VGLL2: variants seen among roughly 807,000 people sequenced by gnomAD.
VGLL2 encodes the protein vestigial like family member 2.
VGLL2 carries 18 observed loss-of-function variants against 27.0 expected under a neutral mutation model. That is an observed-to-expected ratio of 0.67 (90% CI 0.46 to 0.99). The LOEUF (loss-of-function observed/expected upper bound fraction) is 0.99, where lower values mean the gene tolerates loss of function less well. Ranked by LOEUF, VGLL2 falls within the 50% of genes least tolerant of loss-of-function variation. VGLL2 has a pLI of 0.00. For missense variants in VGLL2, 491 were observed against 452.3 expected, an observed-to-expected ratio of 1.09 and a Z score of -0.78; for synonymous variants, 220 against 201.1, an observed-to-expected ratio of 1.09 and a Z score of -0.80.
intron 3 of VGLL2, among the ~76,000 whole-genome samples, chr6:117,271,418 G>C (rs1393147476): frequency 6.6e-6 from 1 of 151,734 alleles, no homozygotes; most frequent in Non-Finnish European, 1.5e-5. Flanking sequence ...GGGCTACTGA[G>C]CACTTGGCAC....
Position 117,265,834 on chromosome 6 carries a change from C to T in VGLL2, c.71C>T (p.Pro24Leu). ...PQPYFAAAYT[P>L]YHQKLAYYSK... The stretch of plus-strand genomic sequence containing the variant: ...CCCTACTTCGCAGCCGCCTACACCC[C>T]CTACCACCAGGTACGTGTCTCCTCT... The change falls in exon 1 of 4, where the codon CCC becomes CTC. Residue 24 changes from proline (P) to leucine (L), a missense_variant. Physicochemically the swap from Pro to Leu is moderately conservative, Grantham distance 98 (BLOSUM62 -3). Transcript: ENST00000326274. 1 of 1,614,138 alleles carries T rather than the reference C, an allele frequency of 6.2e-7. No individual in the cohort carries two copies. The highest frequency in any genetic ancestry group is 1.3e-5 in the African/African-American group (1 of 75,064).
chr6:117,268,435 G>T lies in VGLL2; in HGVS notation c.335G>T (p.Ser112Ile), dbSNP rs773528203. Residue 112 changes from serine to isoleucine, a missense_variant, in exon 2 of 4, where the codon AGC becomes ATC. By Grantham distance (142) the Ser-to-Ile change is moderately radical (BLOSUM62 -2). Coordinates refer to ENST00000326274, the MANE Select transcript of VGLL2 (RefSeq NM_182645.3). ...AGCAGGGCCCTGAGCCAACCCAGCA[G>T]CTACTCTCCTAGCTGTACCAGCAGC... ...HFSRALSQPS[S>I]YSPSCTSSKA... is the part of the protein sequence containing the mutation. 5 of 1,613,986 alleles carry T rather than the reference G, an allele frequency of 3.1e-6. No individual in the cohort carries two copies. In the African/African-American group the frequency reaches 6.7e-5, roughly 22 times the overall value.
intron 2 of VGLL2, among the ~76,000 whole-genome samples, chr6:117,269,178 T>C (rs1348335635): frequency 6.6e-6 from 1 of 152,242 alleles, no homozygotes; most frequent in Non-Finnish European, 1.5e-5. Flanking sequence ...TTTTTATTTT[T>C]CTACCTTCCC....
At position 117,270,978 on chromosome 6, in the gene VGLL2, C is replaced by A; in HGVS notation, c.827C>A (p.Ala276Glu). The change falls in exon 3 of 4, where the codon GCG becomes GAG. Residue 276 changes from alanine to glutamate, a missense_variant. Coordinates refer to ENST00000326274, the MANE Select transcript of VGLL2 (RefSeq NM_182645.3). ...GAGCTCTCCGGCAAAGGCGAGCCGG[C>A]GGGCGCCGCGTGGGCCGGGCCCGGG... ...PCELSGKGEP[A>E]GAAWAGPGGP... 1.6e-6 allele frequency: 2 copies of A among 1,230,972 alleles called. No homozygotes were observed. The highest frequency in any genetic ancestry group is 2.0e-6 in the Non-Finnish European group (2 of 990,222). The allele number at this position is 1,230,972 out of a possible 1,614,324, so 76.3% of individuals were successfully genotyped here. A position where few individuals can be genotyped will look rare whatever the true frequency, so the allele number is the denominator to read the frequency against.
chr6:117,269,233 G>C (rs556985616), intron 2 of VGLL2, among the ~76,000 whole-genome samples: 4 of 152,204 alleles, frequency 2.6e-5, no homozygotes, highest in African/African-American at 9.6e-5. Context: ...TTATTTGTTG[G>C]ACAACTCAAC....
chr6:117,268,263 T>C lies in VGLL2; in HGVS notation c.163T>C (p.Phe55Leu). ...CAGCAGTGGCAGCGGCAGCTCCTCA[T>C]TTTCCAGCCAAACCCCAGCCAGTAT... ...PSSSGSGSSS[F>L]SSQTPASIKE... Residue 55 changes from phenylalanine to leucine, a missense_variant, in exon 2 of 4, where the codon TTT becomes CTT. By Grantham distance (22) the Phe-to-Leu change is conservative. Coordinates refer to ENST00000326274, the MANE Select transcript of VGLL2 (RefSeq NM_182645.3). 1 of 1,614,048 alleles carries C rather than the reference T, an allele frequency of 6.2e-7. No homozygotes were observed.
At chr6:117,267,706 C>G (rs73563069) in intron 1 of VGLL2, among the ~76,000 whole-genome samples, 2 of 152,214 alleles carry the variant, frequency 1.3e-5, no homozygotes, top group African/African-American at 4.8e-5. Flanking sequence ...GGTTGCCCCC[C>G]GCTCCTATTT....
chr6:117,273,290 CCCTTCTCTG>C lies in VGLL2; in HGVS notation c.*805_*813del, dbSNP rs1271528737. On this transcript the variant is annotated 3_prime_UTR_variant, in exon 4 of 4. Coordinates refer to ENST00000326274, the MANE Select transcript of VGLL2 (RefSeq NM_182645.3). ...GAACATTTTATGATGAAAGAAGAAA[CCCTTCTCTG>C]CCTTCTCTCCCACGAATTCTGTCCC... is the stretch of plus-strand genomic sequence containing the variant. 1 of 152,130 alleles carries C rather than the reference CCCTTCTCTG, an allele frequency of 6.6e-6. No individual in the cohort carries two copies. 9.4% of individuals were successfully genotyped at this position (152,130 alleles called of 1,614,324 possible).
At position 117,265,652 on chromosome 6, in the gene VGLL2, T is replaced by C. The variant is rs989802311; in HGVS notation, c.-112T>C. The C allele has an allele frequency of 5.7e-6, 5 of 880,504 alleles. No individual in the cohort carries two copies. In the African/African-American group the frequency reaches 6.6e-5, roughly 12 times the overall value. The allele number at this position is 880,504 out of a possible 1,614,324, so 54.5% of individuals were successfully genotyped here. On this transcript the variant is annotated 5_prime_UTR_variant, in exon 1 of 4. Transcript: ENST00000326274. ...GAGCCGCGGAGCGCGCTGGCTTTGC[T>C]CCGCCTGATGACTCCAGAGCGCGGG... is the stretch of plus-strand genomic sequence containing the variant.
At chr6:117,270,435 C>A in intron 2 of VGLL2, 108 bp from the exon 3 acceptor site, 1 of 1,370,840 alleles carries the variant, frequency 7.3e-7, no homozygotes, top group Non-Finnish European at 9.5e-7. Context: ...TGTGCCCGCC[C>A]GGCGCCTTCG....
At position 117,265,588 on chromosome 6, in the gene VGLL2, A is replaced by C. The variant is rs569449224; in HGVS notation, c.-176A>C. On this transcript the variant is annotated 5_prime_UTR_variant, in exon 1 of 4. Coordinates refer to ENST00000326274, the MANE Select transcript of VGLL2 (RefSeq NM_182645.3). ...TGCCCTGGAGCGCGGTCGGGAGTAA[A>C]ATCGCAGGAGTGGGAGGGTAGCGAG... The C allele has an allele frequency of 6.5e-6, 4 of 617,864 alleles. No homozygotes were observed. In the East Asian group the frequency reaches 1.1e-4, roughly 17 times the overall value. The allele number at this position is 617,864 out of a possible 1,614,324, so 38.3% of individuals were successfully genotyped here.
At position 117,270,873 on chromosome 6, in the gene VGLL2, C is replaced by G; in HGVS notation, c.722C>G (p.Pro241Arg). Residue 241 changes from proline (P) to arginine (R), a missense_variant, in exon 3 of 4, where the codon CCG becomes CGG. Physicochemically the swap from Pro to Arg is moderately radical, Grantham distance 103 (BLOSUM62 -2). Coordinates refer to ENST00000326274, the MANE Select transcript of VGLL2 (RefSeq NM_182645.3). ...YAPHFDPRYG[P>R]LLMPAASGRP... The stretch of plus-strand genomic sequence containing the variant: ...CCGCACTTCGACCCGCGCTATGGGC[C>G]GCTGCTGATGCCAGCCGCCTCGGGG... 1 of 1,369,528 alleles carries G rather than the reference C, an allele frequency of 7.3e-7. No homozygotes were observed. The highest frequency in any genetic ancestry group is 9.4e-7 in the Non-Finnish European group (1 of 1,059,136). The allele number at this position is 1,369,528 out of a possible 1,614,324, so 84.8% of individuals were successfully genotyped here.
At chr6:117,268,534 C>G (rs1181305253) in intron 2 of VGLL2, 43 bp downstream of exon 2, 1 of 1,508,128 alleles carries the variant, frequency 6.6e-7, no homozygotes, top group African/African-American at 1.4e-5. Flanking sequence ...AGGGGGTCCT[C>G]TCAGCCTGGG....
chr6:117,267,641 G>A (rs748813739), intron 1 of VGLL2, among the ~76,000 whole-genome samples: 5 of 152,120 alleles, frequency 3.3e-5, no homozygotes, highest in Non-Finnish European at 7.3e-5. Flanking sequence ...TTACATTCCT[G>A]TTGCTTTCCT....
At position 117,273,060 on chromosome 6, in the gene VGLL2, C is replaced by T. The variant is rs1047746356; in HGVS notation, c.*566C>T. 1 of 152,744 alleles carries T rather than the reference C, an allele frequency of 6.5e-6. No homozygotes were observed. The highest frequency in any genetic ancestry group is 6.5e-5 in the Admixed American group (1 of 15,286). The allele number at this position is 152,744 out of a possible 1,614,324, so 9.5% of individuals were successfully genotyped here. ...TCCTTTGGACTGTGAACATGGAAGC[C>T]TCAGCCTGAATGTGAGTGGCAAGTG... On this transcript the variant is annotated 3_prime_UTR_variant, in exon 4 of 4. Transcript: ENST00000326274.
At chr6:117,271,172 C>A in intron 3 of VGLL2, 108 bp downstream of exon 3, 1 of 995,622 alleles carries the variant, frequency 1.0e-6, no homozygotes, top group Non-Finnish European at 1.3e-6. Flanking sequence ...AATTCTGTGG[C>A]CCAAGGATCT....
In VGLL2 at chr6:117,271,075, G is replaced by A. The variant is rs751916413; in HGVS notation, c.913+11G>A. 33 of 1,220,520 alleles carry A rather than the reference G, an allele frequency of 2.7e-5. No homozygotes were observed. The highest frequency in any genetic ancestry group is 3.2e-4 in the Middle Eastern group (1 of 3,172). 75.6% of individuals were successfully genotyped at this position (1,220,520 alleles called of 1,614,324 possible). A position where few individuals can be genotyped will look rare whatever the true frequency, so the allele number is the denominator to read the frequency against. Reference sequence around the variant, plus strand: ...TCAGCGTGGACTCAGGTAAGCAGAGGAAGAAGTTTGGTCTCCGCGGAGCCG... The same window carrying A: ...TCAGCGTGGACTCAGGTAAGCAGAGAAAGAAGTTTGGTCTCCGCGGAGCCG... On this transcript the variant is annotated intron_variant, in intron 3 of 3. Transcript: ENST00000326274.
chr6:117,271,118 C>A, intron 3 of VGLL2, 54 bp downstream of exon 3: 1 of 1,193,382 alleles, frequency 8.4e-7, no homozygotes, highest in Non-Finnish European at 1.0e-6. Context: ...CCGTACCCGA[C>A]CCTGGGCTGT....
chr6:117,268,470 A>G lies in VGLL2; in HGVS notation c.370A>G (p.Arg124Gly), dbSNP rs766913239. The change falls in exon 2 of 4, where the codon AGG becomes GGG. Residue 124 changes from arginine to glycine, a missense_variant. Arg to Gly is a moderately radical substitution (Grantham distance 125, BLOSUM62 -2). Transcript: ENST00000326274. The stretch of plus-strand genomic sequence containing the variant: ...TAGCTGTACCAGCAGCAAAGCACCA[A>G]GGAGCTCTGGGCCCTGGCGAGGTGA... The part of the protein sequence containing the change: ...SPSCTSSKAP[R>G]SSGPWRDCSF... 6 of 1,612,208 alleles carry G rather than the reference A, an allele frequency of 3.7e-6. No homozygotes were observed. The African/African-American group carries it at 5.3e-5, about 14-fold the overall frequency.
Sources: gnomAD v4.1 joint callset for allele counts (sites outside exome capture counted in the v4.1 genomes callset) on GRCh38, gnomAD v4.1.1 for gene constraint, MANE v1.5 for transcripts, NCBI Gene and HGNC (gene_info 2026-07-23, HGNC 2026-07-21) for gene names.